The following USH2A variants were observed in gnomAD, a reference collection of about 807,000 sequenced individuals.
USH2A encodes Usher syndrome 2A (autosomal recessive, mild).
A neutral mutation model predicts 538.9 loss-of-function variants in USH2A; 443 were observed. That is an observed-to-expected ratio of 0.82 (90% CI 0.76 to 0.89). USH2A has a LOEUF of 0.89. Among genes scored for constraint, USH2A ranks in the 40% least tolerant of loss-of-function variants. USH2A has a pLI of 0.00. For missense variants in USH2A, 6,633 were observed against 6,324.8 expected, an observed-to-expected ratio of 1.05 and a Z score of -1.65; for synonymous variants, 2,413 against 2,273.5, an observed-to-expected ratio of 1.06 and a Z score of -1.75.
intron 35 of USH2A, among the ~76,000 whole-genome samples, chr1:215,985,788 G>C (rs911419230): frequency 3.9e-5 from 6 of 152,166 alleles, no homozygotes; most frequent in African/African-American, 1.4e-4. Context: ...GTGTATAAGA[G>C]ACCTATAGTT....
At position 216,231,292 on chromosome 1, in the gene USH2A, CAGAG is replaced by C. The variant is rs371376479; in HGVS notation, c.2993+657_2993+660del. ...TATATAATATATATACACAGAGAGACAGAGAGAGAGAGAGAGAGAGAGAGAAAGT... is the reference window on the plus strand; with the variant it reads ...TATATAATATATATACACAGAGAGACAGAGAGAGAGAGAGAGAGAGAAAGT... On this transcript the variant is annotated intron_variant, in intron 14 of 71. Transcript: ENST00000307340. Among the ~76,000 whole-genome samples the C allele has an allele frequency of 8.5e-3, 479 of 56,662 alleles. 2 individuals carry two copies. Among genetic ancestry groups the C allele is most frequent in the African/African-American group, 0.027 (405 of 14,978 alleles). The allele number at this position is 56,662 out of a possible 152,430, so 37.2% of individuals were successfully genotyped here. A position where few individuals can be genotyped will look rare whatever the true frequency, so the allele number is the denominator to read the frequency against.
At chr1:216,043,752 G>T (rs1024793160) in intron 32 of USH2A, among the ~76,000 whole-genome samples, 2 of 152,072 alleles carry the variant, frequency 1.3e-5, no homozygotes, top group Non-Finnish European at 2.9e-5. Context: ...GTTTTGTCCA[G>T]TGTAACCTCA....
rs148529155 is a variant in USH2A at position 216,285,791 on chromosome 1, A to C, written c.1971+3489T>G. On this transcript the variant is annotated intron_variant, in intron 11 of 71. Coordinates refer to ENST00000307340, the MANE Select transcript of USH2A (RefSeq NM_206933.4). The stretch of plus-strand genomic sequence containing the variant: ...TCTTGCATCAGCATGCCCTGGATGT[A>C]AGATATGGAGTCAAAGGAGATCATT... 5.0e-3 allele frequency among the ~76,000 whole-genome samples: 755 copies of C among 152,308 alleles called. 7 individuals carry two copies. Among genetic ancestry groups the C allele is most frequent in the African/African-American group, 0.018 (736 of 41,576 alleles).
In USH2A at chr1:216,421,833, T is replaced by A; in HGVS notation, c.485+19A>T. On this transcript the variant is annotated intron_variant, in intron 2 of 71. Coordinates refer to ENST00000307340, the MANE Select transcript of USH2A (RefSeq NM_206933.4). ...GGTTTTGGGGACCTATGAAAGCTTA[T>A]ACCTACACTACTACTTACATTACAC... 1 of 1,613,860 alleles carries A rather than the reference T, an allele frequency of 6.2e-7. No individual in the cohort carries two copies. The highest frequency in any genetic ancestry group is 8.5e-7 in the Non-Finnish European group (1 of 1,179,806).
intron 61 of USH2A, among the ~76,000 whole-genome samples, chr1:215,700,208 C>T (rs752407438): frequency 3.3e-5 from 5 of 152,106 alleles, no homozygotes; most frequent in Non-Finnish European, 7.4e-5. Context: ...ATTTGATTTG[C>T]CAGTATTTTA....
At chr1:216,296,131 GA>G (rs1388592507) in intron 9 of USH2A, among the ~76,000 whole-genome samples, 1 of 151,706 alleles carries the variant, frequency 6.6e-6, no homozygotes, top group Non-Finnish European at 1.5e-5. Flanking sequence ...TGGGGAGAGA[GA>G]AAAAGACAAA....
chr1:216,117,658 A>C lies in USH2A; in HGVS notation c.4628-20445T>G, dbSNP rs896325300. On this transcript the variant is annotated intron_variant, in intron 21 of 71. Coordinates refer to ENST00000307340, the MANE Select transcript of USH2A (RefSeq NM_206933.4). Reference sequence around the variant, plus strand: ...AGACACACCTATTTATAAACTTTTAAGTGTTTTAGCTAATACAACTATATC... The same window carrying C: ...AGACACACCTATTTATAAACTTTTACGTGTTTTAGCTAATACAACTATATC... Among the ~76,000 whole-genome samples, 10 of 152,054 alleles carry C rather than the reference A, an allele frequency of 6.6e-5. 1 individual carries two copies. The highest frequency in any genetic ancestry group is 2.4e-4 in the African/African-American group (10 of 41,430).
chr1:215,994,052 AATG>A (rs1668077007), intron 34 of USH2A, among the ~76,000 whole-genome samples: 1 of 152,190 alleles, frequency 6.6e-6, no homozygotes, highest in Non-Finnish European at 1.5e-5. Flanking sequence ...CTTATATAAC[AATG>A]ATATTTGAAA....
intron 61 of USH2A, among the ~76,000 whole-genome samples, chr1:215,688,156 ACAC>A (rs1658494761): frequency 6.6e-6 from 1 of 151,520 alleles, no homozygotes; most frequent in Admixed American, 6.6e-5. Context: ...GTGCAGAAAA[ACAC>A]CATCTGTGTG....
intron 21 of USH2A, among the ~76,000 whole-genome samples, chr1:216,118,337 C>T (rs532922395): frequency 6.6e-6 from 1 of 152,104 alleles, no homozygotes; most frequent in Non-Finnish European, 1.5e-5. Flanking sequence ...CATTACAAAA[C>T]ATAAAGCTTC....
intron 21 of USH2A, among the ~76,000 whole-genome samples, chr1:216,141,022 T>G (rs2033591682): frequency 6.6e-6 from 1 of 152,226 alleles, no homozygotes; most frequent in Admixed American, 6.5e-5. Context: ...TCTTTGCATT[T>G]TAAACTTTGT....
At chr1:215,656,504 T>C (rs1179002495) in intron 64 of USH2A, among the ~76,000 whole-genome samples, 1 of 152,250 alleles carries the variant, frequency 6.6e-6, no homozygotes, top group Admixed American at 6.5e-5. Flanking sequence ...AAAATTGTAA[T>C]ACAGGAGTAA....
At chr1:216,227,881 C>T (rs542390107) in intron 14 of USH2A, among the ~76,000 whole-genome samples, 2 of 152,272 alleles carry the variant, frequency 1.3e-5, no homozygotes, top group South Asian at 4.1e-4. Context: ...TCTTTCCCCA[C>T]GTCCTCACAG....
rs757428004 is a variant in USH2A at position 215,782,875 on chromosome 1, C to G, written c.10448G>C (p.Gly3483Ala). 1.2e-6 allele frequency: 2 copies of G among 1,613,650 alleles called. No individual in the cohort carries two copies. The highest frequency in any genetic ancestry group is 1.7e-6 in the Non-Finnish European group (2 of 1,179,888). The change falls in exon 53 of 72, where the codon GGG (glycine) becomes GCG (alanine). Residue 3483 changes from glycine (G) to alanine (A), a missense_variant. Transcript: ENST00000307340. The part of the protein sequence containing the change: ...EYRISAWNSY[G>A]RGLSKAVRAR... ...TCTCACAGCTTTGCTGAGTCCTCGC[C>G]CATAGCTGTTCCAGGCAGAAATCCT...
chr1:215,668,394 CT>C (rs1435611890), intron 64 of USH2A, among the ~76,000 whole-genome samples: 3 of 152,134 alleles, frequency 2.0e-5, no homozygotes, highest in Admixed American at 2.0e-4. Flanking sequence ...TTAATCTATG[CT>C]TTTCAAAATA....
chr1:216,024,637 T>C (rs1668920833), intron 32 of USH2A, among the ~76,000 whole-genome samples: 2 of 152,050 alleles, frequency 1.3e-5, no homozygotes, highest in African/African-American at 4.8e-5. Context: ...ACTTAGCACA[T>C]TGAGGAAAAG....
At chr1:216,227,142 C>G (rs539871531) in intron 14 of USH2A, among the ~76,000 whole-genome samples, 3 of 151,996 alleles carry the variant, frequency 2.0e-5, no homozygotes, top group African/African-American at 7.2e-5. Context: ...CTTTATAGAC[C>G]TTGTCTTTGA....
At chr1:216,368,667 A>T (rs2038644830) in intron 3 of USH2A, among the ~76,000 whole-genome samples, 1 of 152,232 alleles carries the variant, frequency 6.6e-6, no homozygotes, top group Non-Finnish European at 1.5e-5. Context: ...TTAATATGCT[A>T]GATAGTGTTT....
chr1:215,994,520 C>T (rs561744907), intron 34 of USH2A, among the ~76,000 whole-genome samples: 2 of 149,584 alleles, frequency 1.3e-5, no homozygotes, highest in Admixed American at 1.3e-4. Context: ...TATTACAAGA[C>T]TATAGCAATA....
Sources: allele counts gnomAD v4.1 joint callset (sites outside exome capture counted in the v4.1 genomes callset), GRCh38; gene constraint gnomAD v4.1.1; transcripts MANE v1.5; gene names NCBI Gene and HGNC (gene_info 2026-07-23, HGNC 2026-07-21).